The following RBMS3 variants were observed in gnomAD, a reference collection of about 807,000 sequenced individuals.
RBMS3 encodes RNA binding motif single stranded interacting protein 3.
Under a neutral mutation model 66.8 loss-of-function variants are expected in RBMS3, and 27 were observed. The ratio of observed to expected loss-of-function variants is 0.40; its 90% CI spans 0.30 to 0.56. The LOEUF is 0.56. RBMS3 is among the 20% of genes least tolerant of loss of function. RBMS3 has a pLI of 0.40. For missense variants in RBMS3, 513 were observed against 549.5 expected (o/e 0.93, Z 0.66); for synonymous variants, 188 against 183.0 (o/e 1.03, Z -0.22).
At position 29,983,964 on chromosome 3, in the gene RBMS3, T is replaced by A. The variant is rs371637249; in HGVS notation, c.1099-4179T>A. 7.2e-5 allele frequency among the ~76,000 whole-genome samples: 11 copies of A among 152,332 alleles called. No individual in the cohort carries two copies. The South Asian group carries it at 1.7e-3, about 23-fold the overall frequency. On this transcript the variant is annotated intron_variant, in intron 12 of 14. Coordinates refer to ENST00000383767, the MANE Select transcript of RBMS3 (RefSeq NM_001003793.3). ...GAATTTGAATGTTGGCCTGTCTTGCTAGGTTGGGGAAGTTCTCCTGGATAA... is the reference window on the plus strand; with the variant it reads ...GAATTTGAATGTTGGCCTGTCTTGCAAGGTTGGGGAAGTTCTCCTGGATAA...
At chr3:29,443,084 C>G (rs1417064591) in intron 2 of RBMS3, among the ~76,000 whole-genome samples, 1 of 152,026 alleles carries the variant, frequency 6.6e-6, no homozygotes, top group South Asian at 2.1e-4. Context: ...TTTTGTAACC[C>G]AAGAGCTATC....
intron 3 of RBMS3, among the ~76,000 whole-genome samples, chr3:29,512,916 G>A (rs1340127974): frequency 6.6e-6 from 1 of 152,150 alleles, no homozygotes; most frequent in Non-Finnish European, 1.5e-5. Context: ...TTTGGAAAGC[G>A]CTGCTTGTCT....
intron 6 of RBMS3, among the ~76,000 whole-genome samples, chr3:29,850,954 T>A (rs1386121610): frequency 3.3e-5 from 5 of 152,166 alleles, no homozygotes; most frequent in African/African-American, 1.2e-4. Flanking sequence ...GAGTACACAC[T>A]AACCTCAAGA....
chr3:29,414,328 C>T (rs1487249088), intron 1 of RBMS3, among the ~76,000 whole-genome samples: 1 of 152,210 alleles, frequency 6.6e-6, no homozygotes, highest in African/African-American at 2.4e-5. Context: ...GGACCACCCA[C>T]TTTCTCCATT....
chr3:29,719,642 C>T (rs1202107424), intron 4 of RBMS3, among the ~76,000 whole-genome samples: 1 of 152,006 alleles, frequency 6.6e-6, no homozygotes, highest in African/African-American at 2.4e-5. Context: ...GTAGATTTCC[C>T]CCCTCACATT....
intron 6 of RBMS3, among the ~76,000 whole-genome samples, chr3:29,839,348 AG>A (rs1392754315): frequency 1.3e-5 from 2 of 152,142 alleles, no homozygotes; most frequent in East Asian, 3.9e-4. Flanking sequence ...TAGTCAGGAA[AG>A]CTTCTGTTGT....
intron 12 of RBMS3, among the ~76,000 whole-genome samples, chr3:29,975,334 A>G (rs928878126): frequency 6.6e-6 from 1 of 151,544 alleles, no homozygotes; most frequent in African/African-American, 2.4e-5. Context: ...GTTCTGCTTA[A>G]TTGACAATGC....
intron 4 of RBMS3, among the ~76,000 whole-genome samples, chr3:29,652,384 C>A (rs2050177442): frequency 6.6e-6 from 1 of 152,050 alleles, no homozygotes. Flanking sequence ...TATTAGGATG[C>A]TCTCCAAAGC....
chr3:29,983,005 A>G (rs4626054), intron 12 of RBMS3, among the ~76,000 whole-genome samples: 34,025 of 151,932 alleles, frequency 0.22, 4,032 homozygotes, highest in East Asian at 0.37. Context: ...TTGACAGTGG[A>G]GTATTAAAGT....
At chr3:29,947,401 T>G (rs1000447760) in intron 12 of RBMS3, among the ~76,000 whole-genome samples, 2 of 151,696 alleles carry the variant, frequency 1.3e-5, no homozygotes, top group South Asian at 2.1e-4. Context: ...GTTACATATT[T>G]AAGCTTCAAC....
intron 1 of RBMS3, among the ~76,000 whole-genome samples, chr3:29,355,538 T>C (rs1257517744): frequency 1.3e-5 from 2 of 150,400 alleles, no homozygotes; most frequent in African/African-American, 4.9e-5. Context: ...TGATTCCTTA[T>C]GGGAAAATAT....
chr3:29,612,369 AG>A (rs987472012), intron 4 of RBMS3, among the ~76,000 whole-genome samples: 2 of 152,040 alleles, frequency 1.3e-5, no homozygotes, highest in Admixed American at 6.6e-5. Context: ...ACAGAATCTT[AG>A]TTTATAGATA....
At chr3:29,929,905 T>C (rs546805877) in intron 10 of RBMS3, among the ~76,000 whole-genome samples, 121 of 151,936 alleles carry the variant, frequency 8.0e-4, no homozygotes, top group Admixed American at 2.6e-3. Context: ...ATTTCCAAAA[T>C]AAATAGCAAA....
At chr3:29,331,828 T>TTC (rs1420936278) in intron 1 of RBMS3, among the ~76,000 whole-genome samples, 1 of 149,720 alleles carries the variant, frequency 6.7e-6, no homozygotes, top group African/African-American at 2.5e-5. Flanking sequence ...TTTTTTTTTT[T>TTC]TTTTTTTTTT....
At chr3:29,787,041 AAAG>A (rs2056844698) in intron 6 of RBMS3, among the ~76,000 whole-genome samples, 1 of 152,194 alleles carries the variant, frequency 6.6e-6, no homozygotes, top group Non-Finnish European at 1.5e-5. Context: ...ACAATTCTCA[AAAG>A]AAGATATACA....
chr3:29,683,857 AC>A (rs781535720), intron 4 of RBMS3, among the ~76,000 whole-genome samples: 75 of 152,304 alleles, frequency 4.9e-4, no homozygotes, highest in African/African-American at 1.8e-3. Flanking sequence ...ACAGGGCTGG[AC>A]AGGAATGACT....
At chr3:29,586,487 T>A (rs2047524474) in intron 3 of RBMS3, among the ~76,000 whole-genome samples, 1 of 152,154 alleles carries the variant, frequency 6.6e-6, no homozygotes, top group Non-Finnish European at 1.5e-5. Flanking sequence ...TCATTCTTTT[T>A]CACAGATCTG....
At chr3:29,744,006 TG>T (rs1017680622) in intron 5 of RBMS3, among the ~76,000 whole-genome samples, 1 of 151,238 alleles carries the variant, frequency 6.6e-6, no homozygotes, top group Admixed American at 6.6e-5. Flanking sequence ...TTTGGTTTTT[TG>T]TCCTTGCAAT....
At chr3:29,368,352 G>A (rs1352291310) in intron 1 of RBMS3, among the ~76,000 whole-genome samples, 1 of 152,152 alleles carries the variant, frequency 6.6e-6, no homozygotes, top group Non-Finnish European at 1.5e-5. Flanking sequence ...GTGGAAGGCT[G>A]AAAGTGAAAC....
Sources: gnomAD v4.1 joint callset for allele counts (sites outside exome capture counted in the v4.1 genomes callset) on GRCh38, gnomAD v4.1.1 for gene constraint, MANE v1.5 for transcripts, NCBI Gene and HGNC (gene_info 2026-07-23, HGNC 2026-07-21) for gene names.